Variants in GRIK2 observed in about 807,000 individuals in gnomAD.
The protein encoded by GRIK2 is glutamate ionotropic receptor kainate type subunit 2.
A neutral mutation model predicts 100.3 loss-of-function variants in GRIK2; 32 were observed. The observed-to-expected ratio is 0.32, with a 90% CI of 0.24 to 0.43. GRIK2 has a LOEUF of 0.43. Among genes scored for constraint, GRIK2 ranks in the 20% least tolerant of loss-of-function variants. The pLI is 1.00. For missense variants in GRIK2, 843 were observed against 1,114.9 expected, an observed-to-expected ratio of 0.76 and a Z score of 3.47; for synonymous variants, 417 against 389.4, an observed-to-expected ratio of 1.07 and a Z score of -0.83.
At chr6:101,749,803 CTTTTTTTTTTTTT>C (rs989554915) in intron 7 of GRIK2, among the ~76,000 whole-genome samples, 2 of 92,552 alleles carry the variant, frequency 2.2e-5, no homozygotes, top group Non-Finnish European at 4.0e-5. Context: ...GTGCCAGTTT[CTTTTTTTTTTTTT>C]TTTTTTTTTT....
At chr6:101,434,191 C>T (rs1210589671) in intron 2 of GRIK2, among the ~76,000 whole-genome samples, 3 of 152,202 alleles carry the variant, frequency 2.0e-5, no homozygotes, top group African/African-American at 4.8e-5. Flanking sequence ...CAGCAGAGTT[C>T]TAGAGGCCTT....
In GRIK2 at chr6:101,409,112, G is replaced by GTA. The variant is rs1317943165; in HGVS notation, c.115+9721_115+9722insAT. On this transcript the variant is annotated intron_variant, in intron 2 of 16. Coordinates refer to ENST00000369134, the MANE Select transcript of GRIK2 (RefSeq NM_021956.5). ...CTATTACCTGAAACATTGTGTATGT[G>GTA]TGTGTGTGTGTGTGTGTGTGTGTGT... 3.3e-4 allele frequency among the ~76,000 whole-genome samples: 14 copies of GTA among 42,912 alleles called. No homozygotes were observed. In the East Asian group the frequency reaches 5.8e-3, roughly 18 times the overall value. 28.2% of individuals were successfully genotyped at this position (42,912 alleles called of 152,430 possible).
intron 7 of GRIK2, among the ~76,000 whole-genome samples, chr6:101,690,230 TTC>T (rs940644048): frequency 9.9e-5 from 15 of 152,108 alleles, no homozygotes; most frequent in African/African-American, 2.9e-4. Flanking sequence ...AGTATTTTTT[TTC>T]TTGTGCTGAT....
intron 7 of GRIK2, among the ~76,000 whole-genome samples, chr6:101,754,255 A>G (rs535341737): frequency 7.2e-5 from 11 of 152,330 alleles, no homozygotes; most frequent in Admixed American, 3.3e-4. Context: ...GTTAAACACA[A>G]TCTTATTCCA....
intron 14 of GRIK2, among the ~76,000 whole-genome samples, chr6:101,965,779 A>C (rs1378599233): frequency 6.6e-6 from 1 of 152,088 alleles, no homozygotes; most frequent in Non-Finnish European, 1.5e-5. Context: ...AAATGAGGTA[A>C]AGTATAGGAG....
chr6:101,442,720 C>T (rs1317514470), intron 2 of GRIK2, among the ~76,000 whole-genome samples: 2 of 152,076 alleles, frequency 1.3e-5, no homozygotes, highest in African/African-American at 2.4e-5. Context: ...CTACTCAACC[C>T]TACCTTTATA....
intron 11 of GRIK2, among the ~76,000 whole-genome samples, chr6:101,873,679 C>A (rs1465667582): frequency 2.0e-5 from 3 of 152,010 alleles, no homozygotes; most frequent in Non-Finnish European, 4.4e-5. Context: ...ACACTGTCTT[C>A]CACAATGGTT....
At chr6:101,474,649 T>C (rs903588974) in intron 2 of GRIK2, among the ~76,000 whole-genome samples, 10 of 151,892 alleles carry the variant, frequency 6.6e-5, no homozygotes, top group African/African-American at 2.4e-4. Flanking sequence ...CTTTATTTAG[T>C]ATTCATACTA....
intron 7 of GRIK2, among the ~76,000 whole-genome samples, chr6:101,724,959 C>T (rs1774756285): frequency 6.6e-6 from 1 of 152,020 alleles, no homozygotes; most frequent in Non-Finnish European, 1.5e-5. Context: ...CCTTTTCTGT[C>T]TCTTTTTCAC....
chr6:101,923,795 C>T (rs1220363940), intron 12 of GRIK2, among the ~76,000 whole-genome samples: 2 of 151,812 alleles, frequency 1.3e-5, no homozygotes, highest in African/African-American at 4.8e-5. Context: ...GTGGCATGCA[C>T]CTGTAGTCAC....
At position 102,035,435 on chromosome 6, in the gene GRIK2, G is replaced by A. The variant is rs375405316; in HGVS notation, c.2180G>A (p.Arg727Gln). Reference sequence around the variant, plus strand: ...AAAAGTAATGAAGAAGGAATCCAGCGAGTCCTCACCTCTGATTATGCTTTC... The same window carrying A: ...AAAAGTAATGAAGAAGGAATCCAGCAAGTCCTCACCTCTGATTATGCTTTC... ...LVKSNEEGIQ[R>Q]VLTSDYAFLM... Residue 727 changes from arginine (R) to glutamine (Q), a missense_variant, in exon 15 of 17, where the codon CGA (arginine) becomes CAA (glutamine). Physicochemically the swap from Arg to Gln is conservative, Grantham distance 43 (BLOSUM62 1). Around this residue, in one of 3 missense-constraint regions of GRIK2, gnomAD observed 237 missense variants for 388.0 expected, o/e 0.61. Coordinates refer to ENST00000369134, the MANE Select transcript of GRIK2 (RefSeq NM_021956.5). The A allele has an allele frequency of 1.1e-5, 18 of 1,608,136 alleles. No homozygotes were observed. Among genetic ancestry groups the A allele is most frequent in the East Asian group, 4.5e-5 (2 of 44,796 alleles).
intron 2 of GRIK2, among the ~76,000 whole-genome samples, chr6:101,482,549 A>G (rs1772588710): frequency 6.6e-6 from 1 of 152,178 alleles, no homozygotes; most frequent in African/African-American, 2.4e-5. Context: ...TGGAGATAGG[A>G]TGCAGCCCTG....
intron 2 of GRIK2, among the ~76,000 whole-genome samples, chr6:101,558,575 G>A (rs1776852665): frequency 6.6e-6 from 1 of 152,096 alleles, no homozygotes; most frequent in African/African-American, 2.4e-5. Flanking sequence ...AATGTGGTAG[G>A]GGTGGGTGTA....
chr6:101,424,152 T>G (rs895318842), intron 2 of GRIK2, among the ~76,000 whole-genome samples: 2 of 152,020 alleles, frequency 1.3e-5, no homozygotes, highest in South Asian at 4.1e-4. Context: ...TCCAAATTTT[T>G]TTTCTTCAGA....
chr6:101,458,296 T>C (rs1032403228), intron 2 of GRIK2, among the ~76,000 whole-genome samples: 10 of 152,198 alleles, frequency 6.6e-5, no homozygotes, highest in African/African-American at 2.4e-4. Flanking sequence ...TTCATCACAA[T>C]ATGTTTGTGA....
At chr6:101,619,255 G>A (rs936428090) in intron 2 of GRIK2, among the ~76,000 whole-genome samples, 2 of 150,796 alleles carry the variant, frequency 1.3e-5, no homozygotes, top group South Asian at 2.1e-4. Flanking sequence ...GTCTTAAAAG[G>A]TTGCGTTATC....
chr6:101,420,283 T>G (rs952097450), intron 2 of GRIK2, among the ~76,000 whole-genome samples: 1 of 152,218 alleles, frequency 6.6e-6, no homozygotes, highest in Non-Finnish European at 1.5e-5. Flanking sequence ...GCTATCTAGT[T>G]TTCCATGTAC....
At chr6:101,722,933 T>C (rs1299603642) in intron 7 of GRIK2, among the ~76,000 whole-genome samples, 1 of 152,052 alleles carries the variant, frequency 6.6e-6, no homozygotes, top group East Asian at 1.9e-4. Context: ...CCAGTCCTTT[T>C]AAGGGTCCAA....
In GRIK2 at chr6:101,889,873, T is replaced by C. The variant is rs1454665344; in HGVS notation, c.1748+10T>C. ...TCTTTGTCATAGCCAGGTAACATGC[T>C]CACTTTTGTGATTTTTTTGGCAATT... On this transcript the variant is annotated intron_variant, in intron 12 of 16. Coordinates refer to ENST00000369134, the MANE Select transcript of GRIK2 (RefSeq NM_021956.5). The C allele has an allele frequency of 6.4e-7, 1 of 1,560,222 alleles. No individual in the cohort carries two copies.
Sources: gnomAD v4.1 joint callset for allele counts (sites outside exome capture counted in the v4.1 genomes callset) on GRCh38, gnomAD v4.1.1 for gene constraint, gnomAD v4.1.1 regional missense constraint, MANE v1.5 for transcripts, NCBI Gene and HGNC (gene_info 2026-07-23, HGNC 2026-07-21) for gene names.